The following ABCC10 variants were observed in gnomAD, a reference collection of about 807,000 sequenced individuals.
ABCC10 encodes ATP-binding cassette sub-family C member 10.
A neutral mutation model predicts 143.2 loss-of-function variants in ABCC10; 110 were observed. The ratio of observed to expected loss-of-function variants is 0.77; its 90% CI spans 0.66 to 0.90. The LOEUF is 0.90. Ranked by LOEUF, ABCC10 falls within the 40% of genes least tolerant of loss-of-function variation. The probability of loss-of-function intolerance (pLI) is 0.00; values close to 1 mark genes in which losing one functional copy is unlikely to be tolerated. For missense variants in ABCC10, 1,700 were observed against 1,900.5 expected (o/e 0.89, Z 1.96); for synonymous variants, 805 against 846.7 (o/e 0.95, Z 0.85).
chr6:43,448,078 G>A, intron 18 of ABCC10, 141 bp downstream of exon 18: 2 of 1,347,928 alleles, frequency 1.5e-6, no homozygotes, highest in Non-Finnish European at 2.1e-6. Flanking sequence ...AGGATGAGCA[G>A]GCAAGGACAG....
At position 43,445,710 on chromosome 6, in the gene ABCC10, G is replaced by C. The variant is rs1451732076; in HGVS notation, c.3142G>C (p.Ala1048Pro). ...SLPFILNILL[A>P]NAAGLLGLLA... ...GCCCTTCATCCTCAACATCCTCCTG[G>C]CCAACGCGGCAGGCCTGCTGGGGCT... Residue 1048 changes from alanine to proline, a missense_variant, in exon 15 of 22, where the codon GCC (alanine) becomes CCC (proline). Ala to Pro is a conservative substitution (Grantham distance 27, BLOSUM62 -1). Coordinates refer to ENST00000372530, the MANE Select transcript of ABCC10 (RefSeq NM_001198934.2). 6.8e-6 allele frequency: 11 copies of C among 1,614,074 alleles called. No individual in the cohort carries two copies. Among genetic ancestry groups the C allele is most frequent in the Admixed American group, 1.7e-5 (1 of 60,008 alleles).
At chr6:43,449,579 A>G in intron 21 of ABCC10, 45 bp downstream of exon 21, 1 of 1,518,034 alleles carries the variant, frequency 6.6e-7, no homozygotes, top group Non-Finnish European at 9.1e-7. Flanking sequence ...CTGTGGTAGC[A>G]TGCACCGAGA....
Position 43,435,725 on chromosome 6 carries a change from C to G in ABCC10, c.1609-26C>G, listed in dbSNP as rs371142930. On this transcript the variant is annotated intron_variant, in intron 4 of 21. Transcript: ENST00000372530. ...ACAGGCCCTTAGATAACTCCTGGGG[C>G]TTCACCCTGCACCCACCTCACTCAG... The G allele has an allele frequency of 6.7e-5, 108 of 1,611,144 alleles. No homozygotes were observed. The African/African-American group carries it at 1.3e-3, about 19-fold the overall frequency.
chr6:43,450,438 T>A, downstream of ABCC10: 1 of 1,325,556 alleles, frequency 7.5e-7, no homozygotes, highest in Non-Finnish European at 1.0e-6. The surrounding 1 kb of genome is among the most constrained non-coding windows in gnomAD (Gnocchi z 4.5). Context: ...GGCTGAGGTC[T>A]CCTCTGTGTG....
At chr6:43,438,297 C>A in intron 7 of ABCC10, 1 of 1,339,938 alleles carries the variant, frequency 7.5e-7, no homozygotes, top group Non-Finnish European at 9.8e-7. Flanking sequence ...AGAAGGGATC[C>A]AGAGAGGAGC....
intron 8 of ABCC10, among the ~76,000 whole-genome samples, chr6:43,439,574 CGTTTTGTTTT>C (rs964023150): frequency 6.6e-6 from 1 of 151,326 alleles, no homozygotes; most frequent in Non-Finnish European, 1.5e-5. Flanking sequence ...AGCTAATTTT[CGTTTTGTTTT>C]GTTTTGTTTT....
chr6:43,448,772 G>T (rs899445180), intron 18 of ABCC10, 109 bp from the exon 19 acceptor site: 1 of 1,369,328 alleles, frequency 7.3e-7, no homozygotes, highest in Non-Finnish European at 1.0e-6. Context: ...TTATGTTCAG[G>T]TCTCATACCC....
chr6:43,448,749 G>GAGC, intron 18 of ABCC10, 132 bp from the exon 19 acceptor site: 1 of 1,130,044 alleles, frequency 8.8e-7, no homozygotes, highest in Non-Finnish European at 1.3e-6. Context: ...ATGGGGTGGG[G>GAGC]AGCAGAGTGG....
At chr6:43,447,593 C>A in intron 17 of ABCC10, 91 bp from the exon 18 acceptor site, 2 of 1,577,846 alleles carry the variant, frequency 1.3e-6, no homozygotes, top group Non-Finnish European at 8.6e-7. Context: ...CTCACACTGT[C>A]CATTTCTCAT....
Position 43,450,068 on chromosome 6 carries a change from C to T in ABCC10, c.4456C>T (p.Pro1486Ser). The T allele has an allele frequency of 6.2e-7, 1 of 1,607,084 alleles. No homozygotes were observed. Among genetic ancestry groups the T allele is most frequent in the Non-Finnish European group, 8.5e-7 (1 of 1,176,234 alleles). Residue 1486 changes from proline (P) to serine (S), a missense_variant, in exon 22 of 22, where the codon CCT (proline) becomes TCT (serine). Coordinates refer to ENST00000372530, the MANE Select transcript of ABCC10 (RefSeq NM_001198934.2). This position sits in a 1 kb window ranked among gnomAD's most constrained non-coding sequence, Gnocchi z 4.5. ...QLLQSSQQGV[P>S]ASLGGP ...GCTGCAGAGCAGCCAGCAGGGAGTC[C>T]CTGCCTCACTCGGAGGTCCCTGAGC...
At chr6:43,441,459 A>G (rs189721058) in intron 8 of ABCC10, among the ~76,000 whole-genome samples, 1,656 of 152,092 alleles carry the variant, frequency 0.011, 15 homozygotes, top group Non-Finnish European at 0.017. Context: ...CTGGCGACAG[A>G]GCGAGACTCC....
At chr6:43,446,805 C>A in intron 16 of ABCC10, 1 of 1,171,042 alleles carries the variant, frequency 8.5e-7, no homozygotes, top group Non-Finnish European at 1.1e-6. Flanking sequence ...CTCCTGTGCT[C>A]CTGGCTAGGT....
intron 12 of ABCC10, 129 bp from the exon 13 acceptor site, chr6:43,444,659 T>C (rs996843969): frequency 1.1e-5 from 14 of 1,306,640 alleles, no homozygotes; most frequent in Non-Finnish European, 1.2e-5. Context: ...AGTGGCAGGG[T>C]GGGGAGGCCA....
intron 17 of ABCC10, 77 bp from the exon 18 acceptor site, chr6:43,447,607 T>C (rs1783243682): frequency 6.3e-7 from 1 of 1,585,734 alleles, no homozygotes; most frequent in Non-Finnish European, 8.6e-7. Flanking sequence ...TTCTCATTAT[T>C]CTCCCCTCCT....
At chr6:43,434,575 G>C (rs777010980) in intron 3 of ABCC10, 46 bp from the exon 4 acceptor site, 8 of 1,546,398 alleles carry the variant, frequency 5.2e-6, no homozygotes, top group Admixed American at 1.7e-5. Context: ...GAAGACACAT[G>C]AGCAGTGCCT....
At chr6:43,444,420 A>T in intron 12 of ABCC10, 67 bp downstream of exon 12, 2 of 1,486,440 alleles carry the variant, frequency 1.3e-6, no homozygotes, top group East Asian at 4.6e-5. Flanking sequence ...ATTACCTTGC[A>T]CTAATCATTA....
At position 43,441,868 on chromosome 6, in the gene ABCC10, C is replaced by G. The variant is rs1217819087; in HGVS notation, c.2134C>G (p.Pro712Ala). Residue 712 changes from proline (P) to alanine (A), a missense_variant, in exon 9 of 22, where the codon CCT becomes GCT. By Grantham distance (27) the Pro-to-Ala change is conservative. Coordinates refer to ENST00000372530, the MANE Select transcript of ABCC10 (RefSeq NM_001198934.2). The stretch of plus-strand genomic sequence containing the variant: ...GGGGCACCTGTTCCATCAGATCCTG[C>G]CTGCTGGAGACCAGACAGAGGTGGG... Reference protein sequence around the residue: ...CALNDDLSILPAGDQTEVGEK... With the variant: ...CALNDDLSILAAGDQTEVGEK... 1.5e-5 allele frequency: 24 copies of G among 1,612,878 alleles called. No homozygotes were observed. The Middle Eastern group carries it at 5.2e-4, about 35-fold the overall frequency.
intron 8 of ABCC10, among the ~76,000 whole-genome samples, chr6:43,439,118 C>T (rs1355448225): frequency 6.6e-6 from 1 of 152,078 alleles, no homozygotes; most frequent in Non-Finnish European, 1.5e-5. Flanking sequence ...ACTGGGAAGG[C>T]TTGGAAGAGT....
rs1211025478 is a variant in ABCC10, at chr6:43,432,731, C to G, written c.751C>G (p.Pro251Ala). The change falls in exon 3 of 22, where the codon CCC becomes GCC. Residue 251 changes from proline to alanine, a missense_variant. Transcript: ENST00000372530. ...LRQPQDICRL[P>A]HRLQPTYLAR... Reference sequence around the variant, plus strand: ...GCAGCCTCAGGACATTTGCCGCCTCCCCCACAGACTGCAGCCAACCTACCT... The same window carrying G: ...GCAGCCTCAGGACATTTGCCGCCTCGCCCACAGACTGCAGCCAACCTACCT... The G allele has an allele frequency of 6.2e-6, 10 of 1,614,030 alleles. No homozygotes were observed. Among genetic ancestry groups the G allele is most frequent in the Non-Finnish European group, 8.5e-6 (10 of 1,180,028 alleles).
Sources: gnomAD v4.1 joint callset for allele counts (sites outside exome capture counted in the v4.1 genomes callset) on GRCh38, gnomAD v4.1.1 for gene constraint, Gnocchi (gnomAD v3.1) non-coding constraint, MANE v1.5 for transcripts, NCBI Gene and HGNC (gene_info 2026-07-23, HGNC 2026-07-21) for gene names.